Variants in HTRA3 observed in about 807,000 individuals in gnomAD.
HTRA3 encodes the protein HtrA serine peptidase 3.
A neutral mutation model predicts 43.2 loss-of-function variants in HTRA3; 41 were observed. The observed-to-expected ratio is 0.95, with a 90% CI of 0.74 to 1.23. The LOEUF is 1.23. HTRA3 is among the 50% of genes most tolerant of loss of function. HTRA3 has a pLI of 0.00. For synonymous variants in HTRA3, 295 were observed against 287.9 expected, an observed-to-expected ratio of 1.02 and a Z score of -0.25; for missense variants, 628 against 647.1, an observed-to-expected ratio of 0.97 and a Z score of 0.32.
At chr4:8,270,949 C>T (rs1052657995) in intron 1 of HTRA3, among the ~76,000 whole-genome samples, 3 of 152,208 alleles carry the variant, frequency 2.0e-5, no homozygotes, top group Non-Finnish European at 4.4e-5. Flanking sequence ...CAGGTTGACT[C>T]TGTACGTGGA....
At chr4:8,304,394 G>A (rs1713762234) in intron 8 of HTRA3, 115 bp downstream of exon 8, 1 of 763,896 alleles carries the variant, frequency 1.3e-6, no homozygotes, top group South Asian at 1.7e-5. Context: ...ACCGGGAAGG[G>A]GCAGGTGGAT....
At position 8,286,796 on chromosome 4, in the gene HTRA3, G is replaced by A. The variant is rs750757720; in HGVS notation, c.708+13G>A. ...GATCCATCCCAAGGTGGGTGGGCGT[G>A]GGTGGAGGGGCGGAAGCACCTGGGG... On this transcript the variant is annotated intron_variant, in intron 3 of 8. Coordinates refer to ENST00000307358, the MANE Select transcript of HTRA3 (RefSeq NM_053044.5). This position sits in a 1 kb window ranked among gnomAD's most constrained non-coding sequence, Gnocchi z 4.9. The A allele has an allele frequency of 1.9e-6, 3 of 1,597,306 alleles. No individual in the cohort carries two copies. Among genetic ancestry groups the A allele is most frequent in the South Asian group, 1.1e-5 (1 of 90,496 alleles).
chr4:8,289,248 C>T (rs746500933), intron 3 of HTRA3, among the ~76,000 whole-genome samples: 1 of 152,208 alleles, frequency 6.6e-6, no homozygotes, highest in Non-Finnish European at 1.5e-5. Flanking sequence ...TGGTGCCCAG[C>T]CAACAAATTT....
rs1712996541 is a variant in HTRA3 at position 8,286,762 on chromosome 4, C to T, written c.687C>T (p.Ala229=). Residue 229 remains alanine (A), a synonymous_variant, in exon 3 of 9, where the codon GCC becomes GCT. Transcript: ENST00000307358. This position sits in a 1 kb window ranked among gnomAD's most constrained non-coding sequence, Gnocchi z 4.9. ...ACATCGACAAGAAGTCGGACATTGC[C>T]ACCATCAAGATCCATCCCAAGGTGG... The part of the protein sequence containing the change: ...IKDIDKKSDI[A]TIKIHPKKKL... 6.2e-7 allele frequency: 1 copy of T among 1,613,980 alleles called. No homozygotes were observed. The highest frequency in any genetic ancestry group is 2.2e-5 in the East Asian group (1 of 44,876).
intron 1 of HTRA3, among the ~76,000 whole-genome samples, chr4:8,276,657 C>T (rs747103334): frequency 6.6e-6 from 1 of 152,326 alleles, no homozygotes; most frequent in South Asian, 2.1e-4. Context: ...GGCAGGCTGG[C>T]GGCAGCACCT....
At chr4:8,271,327 C>T (rs1023463730) in intron 1 of HTRA3, among the ~76,000 whole-genome samples, 15 of 152,162 alleles carry the variant, frequency 9.9e-5, no homozygotes, top group African/African-American at 3.1e-4. Context: ...CTCACAGGCT[C>T]AATCTATCAG....
chr4:8,276,398 G>A (rs62286489), intron 1 of HTRA3, among the ~76,000 whole-genome samples: 45,902 of 152,204 alleles, frequency 0.3, 8,175 homozygotes, highest in Non-Finnish European at 0.4. Flanking sequence ...GCAGGTGGAC[G>A]CGTCTTACAG....
chr4:8,295,997 G>A lies in HTRA3; in HGVS notation c.1051+1796G>A. 8.4e-7 allele frequency: 1 copy of A among 1,191,118 alleles called. No homozygotes were observed. Among genetic ancestry groups the A allele is most frequent in the Non-Finnish European group, 1.0e-6 (1 of 961,962 alleles). The allele number at this position is 1,191,118 out of a possible 1,614,324, so 73.8% of individuals were successfully genotyped here. ...TTGGCTTCTAGGAAGCTCAGAGCTA[G>A]ATTCAGGGGTGCACCCAGACCTGTC... On this transcript the variant is annotated intron_variant, in intron 6 of 8. Transcript: ENST00000307358. This position sits in a 1 kb window ranked among gnomAD's most constrained non-coding sequence, Gnocchi z 6.9.
At chr4:8,274,110 G>A (rs1029709075) in intron 1 of HTRA3, among the ~76,000 whole-genome samples, 1 of 152,094 alleles carries the variant, frequency 6.6e-6, no homozygotes, top group African/African-American at 2.4e-5. Context: ...TGACTCACAG[G>A]GCCCTGTGCC....
In HTRA3 at chr4:8,306,134, T is replaced by C. The variant is rs1272343814; in HGVS notation, c.1360T>C (p.Ter454ArgextTer141). The C allele has an allele frequency of 1.3e-6, 2 of 1,572,770 alleles. No individual in the cohort carries two copies. Among genetic ancestry groups the C allele is most frequent in the South Asian group, 2.3e-5 (2 of 85,576 alleles). Residue 454 changes from the stop codon to arginine (R), a stop_lost, in exon 9 of 9, where the codon TGA becomes CGA. Transcript: ENST00000307358. The surrounding 1 kb of genome is among the most constrained non-coding windows in gnomAD (Gnocchi z 8.9). ...LFSIAPEVVM[*>R] Reference sequence around the variant, plus strand: ...CAGCATCGCACCTGAGGTGGTCATGTGAGGGGCGCATTCCTCCAGCGCCAA... The same window carrying C: ...CAGCATCGCACCTGAGGTGGTCATGCGAGGGGCGCATTCCTCCAGCGCCAA...
At chr4:8,305,674 T>G (rs117445646) in intron 8 of HTRA3, among the ~76,000 whole-genome samples, 1 of 152,236 alleles carries the variant, frequency 6.6e-6, no homozygotes, top group Admixed American at 6.5e-5. Context: ...ATGGTAGACA[T>G]GAAAACTGAG....
rs372926582 is a variant in HTRA3 at position 8,282,501 on chromosome 4, C to G, written c.450C>G (p.Ile150Met). Residue 150 changes from isoleucine to methionine, a missense_variant, in exon 2 of 9, where the codon ATC (isoleucine) becomes ATG (methionine). By Grantham distance (10) the Ile-to-Met change is conservative. Transcript: ENST00000307358. Reference sequence around the variant, plus strand: ...TCATTGCTGACGTGGTGGAGAAGATCGCACCAGCCGTGGTCCACATAGAGC... The same window carrying G: ...TCATTGCTGACGTGGTGGAGAAGATGGCACCAGCCGTGGTCCACATAGAGC... ...FNFIADVVEK[I>M]APAVVHIELF... The G allele has an allele frequency of 6.2e-7, 1 of 1,614,074 alleles. No individual in the cohort carries two copies. The highest frequency in any genetic ancestry group is 8.5e-7 in the Non-Finnish European group (1 of 1,179,968).
At chr4:8,274,706 T>C (rs1321693948) in intron 1 of HTRA3, among the ~76,000 whole-genome samples, 1 of 152,198 alleles carries the variant, frequency 6.6e-6, no homozygotes, top group African/African-American at 2.4e-5. Flanking sequence ...AATGCGTTTC[T>C]GAGGGCCTGT....
chr4:8,289,996 C>T (rs9985589), intron 3 of HTRA3, among the ~76,000 whole-genome samples: 209 of 149,708 alleles, frequency 1.4e-3, no homozygotes, highest in African/African-American at 4.4e-3. Context: ...GCAGGGAGGA[C>T]GGGCTGACCC....
rs1209666665 is a variant in HTRA3, at chr4:8,286,285, A to T, written c.486-276A>T. Among the ~76,000 whole-genome samples, 1 of 152,154 alleles carries T rather than the reference A, an allele frequency of 6.6e-6. No homozygotes were observed. Among genetic ancestry groups the T allele is most frequent in the Non-Finnish European group, 1.5e-5 (1 of 68,028 alleles). ...GTCAGGATGGCGAGTGCAAGCTGGG[A>T]GTCATCTGACATGTCGCAGGCAGCC... On this transcript the variant is annotated intron_variant, in intron 2 of 8. Coordinates refer to ENST00000307358, the MANE Select transcript of HTRA3 (RefSeq NM_053044.5). The surrounding 1 kb of genome is among the most constrained non-coding windows in gnomAD (Gnocchi z 4.9).
At chr4:8,303,129 C>T (rs1713721702) in intron 7 of HTRA3, among the ~76,000 whole-genome samples, 1 of 152,222 alleles carries the variant, frequency 6.6e-6, no homozygotes, top group African/African-American at 2.4e-5. Context: ...CATTCTGAGG[C>T]TCTGGGTGTA....
rs1713631108 is a variant in HTRA3, at chr4:8,301,053, A to G, written c.1052-1410A>G. ...ATTATTGATTCACACTCTCAGCTTT[A>G]TTATCGATTCACACTCTTTATTATT... On this transcript the variant is annotated intron_variant, in intron 6 of 8. Coordinates refer to ENST00000307358, the MANE Select transcript of HTRA3 (RefSeq NM_053044.5). Among the ~76,000 whole-genome samples, 5 of 148,466 alleles carry G rather than the reference A, an allele frequency of 3.4e-5. No individual in the cohort carries two copies. The Admixed American group carries it at 3.4e-4, about 10-fold the overall frequency.
At chr4:8,293,645 T>TG (rs898883271) in intron 5 of HTRA3, among the ~76,000 whole-genome samples, 3 of 151,764 alleles carry the variant, frequency 2.0e-5, no homozygotes, top group East Asian at 1.9e-4. Flanking sequence ...AAGAGAGGGA[T>TG]GGGGGGGTCA....
At chr4:8,271,372 T>C (rs1203255328) in intron 1 of HTRA3, among the ~76,000 whole-genome samples, 6 of 152,206 alleles carry the variant, frequency 3.9e-5, no homozygotes, top group Non-Finnish European at 8.8e-5. Context: ...CCTCAATTGA[T>C]GAAACCCAGG....
Sources: allele counts gnomAD v4.1 joint callset (sites outside exome capture counted in the v4.1 genomes callset), GRCh38; gene constraint gnomAD v4.1.1; non-coding constraint Gnocchi (gnomAD v3.1); transcripts MANE v1.5; gene names NCBI Gene and HGNC (gene_info 2026-07-23, HGNC 2026-07-21).